The following FHIT variants were observed in gnomAD, a reference collection of about 807,000 sequenced individuals.
The protein encoded by FHIT is bis(5'-adenosyl)-triphosphatase.
FHIT carries 19 observed loss-of-function variants against 17.9 expected under a neutral mutation model. The observed-to-expected ratio is 1.06, with a 90% CI of 0.74 to 1.56. FHIT has a LOEUF of 1.56. FHIT is among the 40% of genes most tolerant of loss of function. FHIT has a pLI of 0.00. For missense variants in FHIT, 248 were observed against 189.2 expected (o/e 1.31, Z -1.82); for synonymous variants, 81 against 69.7 (o/e 1.16, Z -0.81).
intron 7 of FHIT, among the ~76,000 whole-genome samples, chr3:59,923,337 A>C (rs1288117199): frequency 6.6e-6 from 1 of 151,958 alleles, no homozygotes; most frequent in African/African-American, 2.4e-5. Flanking sequence ...ACAGGAAGTA[A>C]AAGTCAGCAC....
At chr3:60,101,698 A>G (rs1704197556) in intron 5 of FHIT, among the ~76,000 whole-genome samples, 1 of 152,182 alleles carries the variant, frequency 6.6e-6, no homozygotes, top group Non-Finnish European at 1.5e-5. Flanking sequence ...CCTGCAACAC[A>G]TCACATGGAT....
chr3:61,064,764 G>A (rs2034543885), intron 2 of FHIT, among the ~76,000 whole-genome samples: 1 of 152,116 alleles, frequency 6.6e-6, no homozygotes, highest in African/African-American at 2.4e-5. Flanking sequence ...CATATAGCAA[G>A]GACTAAATTG....
At chr3:60,941,060 ATT>A (rs1553774406) in intron 3 of FHIT, among the ~76,000 whole-genome samples, 52 of 152,342 alleles carry the variant, frequency 3.4e-4, no homozygotes, top group African/African-American at 1.2e-3. Flanking sequence ...CCACAACCTT[ATT>A]TCAATATGTA....
chr3:60,533,485 T>A (rs1268427973), intron 5 of FHIT, among the ~76,000 whole-genome samples: 1 of 152,210 alleles, frequency 6.6e-6, no homozygotes, highest in East Asian at 1.9e-4. Flanking sequence ...TGAGGCAGAC[T>A]GGGCTGTGTG....
chr3:60,522,258 C>A (rs1483469581), intron 5 of FHIT, among the ~76,000 whole-genome samples: 1 of 151,988 alleles, frequency 6.6e-6, no homozygotes, highest in African/African-American at 2.4e-5. Context: ...TTAAAAGTGC[C>A]CACCAGCACA....
At chr3:60,626,292 A>C (rs1040295603) in intron 4 of FHIT, among the ~76,000 whole-genome samples, 4 of 152,186 alleles carry the variant, frequency 2.6e-5, no homozygotes, top group African/African-American at 9.7e-5. Context: ...GTTGCATTGA[A>C]TCTTTATGGC....
In FHIT at chr3:60,034,607, G is replaced by A. The variant is rs1015068242; in HGVS notation, c.104-20455C>T. 7.9e-5 allele frequency among the ~76,000 whole-genome samples: 12 copies of A among 152,294 alleles called. No individual in the cohort carries two copies. The East Asian group carries it at 1.5e-3, about 20-fold the overall frequency. ...TTACACAAACTAAAGTTGGTATAAA[G>A]GCTGTCATCATATATTATATCATTT... On this transcript the variant is annotated intron_variant, in intron 5 of 9. Coordinates refer to ENST00000492590, the MANE Select transcript of FHIT (RefSeq NM_002012.4).
chr3:61,247,370 C>T (rs2040512966), intron 1 of FHIT, among the ~76,000 whole-genome samples: 1 of 152,176 alleles, frequency 6.6e-6, no homozygotes, highest in African/African-American at 2.4e-5. Context: ...GTCATTGCCC[C>T]AGGATTACTC....
intron 5 of FHIT, among the ~76,000 whole-genome samples, chr3:60,043,632 C>A (rs532226701): frequency 6.6e-6 from 1 of 152,050 alleles, no homozygotes; most frequent in African/African-American, 2.4e-5. Flanking sequence ...GACAACTGCC[C>A]AGTATATGTG....
At chr3:61,250,452 C>A (rs1186286353) in intron 1 of FHIT, among the ~76,000 whole-genome samples, 1 of 152,202 alleles carries the variant, frequency 6.6e-6, no homozygotes, top group African/African-American at 2.4e-5. Context: ...AAGTGGTAAA[C>A]TTTCACAAGC....
At chr3:60,902,062 T>A (rs2107227602) in intron 3 of FHIT, among the ~76,000 whole-genome samples, 1 of 152,290 alleles carries the variant, frequency 6.6e-6, no homozygotes, top group East Asian at 1.9e-4. Flanking sequence ...TAGTATATAT[T>A]TATATGAATT....
chr3:59,908,554 T>G (rs1332082111), intron 8 of FHIT, among the ~76,000 whole-genome samples: 1 of 152,010 alleles, frequency 6.6e-6, no homozygotes, highest in Non-Finnish European at 1.5e-5. Flanking sequence ...GGACCAAAGA[T>G]GCACACAAGG....
intron 4 of FHIT, among the ~76,000 whole-genome samples, chr3:60,760,404 G>A (rs1428394882): frequency 6.6e-6 from 1 of 152,196 alleles, no homozygotes; most frequent in African/African-American, 2.4e-5. Flanking sequence ...AGCAGGACCA[G>A]CAGAGAGAAG....
In FHIT at chr3:60,597,935, C is replaced by T. The variant is rs891306889; in HGVS notation, c.-17-60956G>A. Among the ~76,000 whole-genome samples the T allele has an allele frequency of 2.0e-5, 3 of 152,056 alleles. No individual in the cohort carries two copies. In the East Asian group the frequency reaches 5.8e-4, roughly 29 times the overall value. ...TTGCCAGATACAAAGAAATAAGCAA[C>T]ATCAGAGAGATACCAAATAAAAGAA... On this transcript the variant is annotated intron_variant, in intron 4 of 9. Transcript: ENST00000492590.
At chr3:59,983,907 A>T (rs1708768590) in intron 7 of FHIT, among the ~76,000 whole-genome samples, 1 of 152,028 alleles carries the variant, frequency 6.6e-6, no homozygotes, top group African/African-American at 2.4e-5. Context: ...AGGGAGGAAG[A>T]GTTGCTGCAT....
chr3:61,142,326 C>T lies in FHIT; in HGVS notation c.-164+58291G>A, dbSNP rs1335372425. On this transcript the variant is annotated intron_variant, in intron 2 of 9. Transcript: ENST00000492590. ...TTTGGTATTAAATTCCATCTTTTAT[C>T]TTTTTTCTCCCAATATCTAAGAACA... 1.3e-5 allele frequency among the ~76,000 whole-genome samples: 2 copies of T among 151,516 alleles called. 1 individual carries two copies. Among genetic ancestry groups the T allele is most frequent in the Admixed American group, 1.3e-4 (2 of 15,166 alleles).
chr3:59,984,063 T>C (rs573816982), intron 7 of FHIT, among the ~76,000 whole-genome samples: 1 of 152,150 alleles, frequency 6.6e-6, no homozygotes, highest in South Asian at 2.1e-4. Flanking sequence ...TGCCTCTTAC[T>C]AAGTAGCACA....
intron 3 of FHIT, among the ~76,000 whole-genome samples, chr3:60,926,337 A>G (rs1357958527): frequency 1.3e-5 from 2 of 152,236 alleles, no homozygotes; most frequent in East Asian, 1.9e-4. Flanking sequence ...GTAAAATAAC[A>G]GAAATTATAA....
chr3:59,983,374 C>T (rs914036975), intron 7 of FHIT, among the ~76,000 whole-genome samples: 3 of 152,042 alleles, frequency 2.0e-5, no homozygotes, highest in Non-Finnish European at 4.4e-5. Flanking sequence ...TTTCAAGTTG[C>T]CTACAATCAA....
Sources: gnomAD v4.1 joint callset for allele counts (sites outside exome capture counted in the v4.1 genomes callset) on GRCh38, gnomAD v4.1.1 for gene constraint, MANE v1.5 for transcripts, NCBI Gene and HGNC (gene_info 2026-07-23, HGNC 2026-07-21) for gene names.